The following POLB variants were observed in gnomAD, a reference collection of about 807,000 sequenced individuals.
POLB encodes the protein 5'-dRP lyase.
Under a neutral mutation model 52.7 loss-of-function variants are expected in POLB, and 37 were observed. The observed-to-expected ratio is 0.70, with a 90% CI of 0.54 to 0.92. POLB has a LOEUF of 0.92. Among genes scored for constraint, POLB ranks in the 40% least tolerant of loss-of-function variants. The pLI is 0.00. For synonymous variants in POLB, 138 were observed against 131.3 expected (o/e 1.05, Z -0.35); for missense variants, 313 against 400.8 (o/e 0.78, Z 1.87).
intron 1 of POLB, 30 bp downstream of exon 1, chr8:42,338,715 T>G (rs1822000999): frequency 1.9e-6 from 3 of 1,602,854 alleles, no homozygotes; most frequent in Middle Eastern, 1.7e-4. Context: ...CCGCTGGCTT[T>G]CTTCTTTCCT....
At chr8:42,353,367 C>T (rs1823101742) in intron 6 of POLB, among the ~76,000 whole-genome samples, 1 of 151,748 alleles carries the variant, frequency 6.6e-6, no homozygotes, top group African/African-American at 2.4e-5. Flanking sequence ...CTCGGCCTCC[C>T]AAAGTGCTGG....
chr8:42,343,254 G>A (rs370299239), intron 2 of POLB, among the ~76,000 whole-genome samples: 1 of 140,918 alleles, frequency 7.1e-6, no homozygotes, highest in Non-Finnish European at 1.5e-5. Context: ...CCCGGGAGGC[G>A]GAGCTTGCAG....
chr8:42,359,147 C>T (rs539014206), intron 9 of POLB, among the ~76,000 whole-genome samples: 2 of 152,324 alleles, frequency 1.3e-5, no homozygotes, highest in Admixed American at 6.5e-5. Flanking sequence ...CCTACTCCTT[C>T]TAAGTCCCAT....
At chr8:42,349,269 A>T in intron 4 of POLB, 179 bp downstream of exon 4, 1 of 504,352 alleles carries the variant, frequency 2.0e-6, no homozygotes, top group Non-Finnish European at 3.5e-6. Flanking sequence ...CACTTGTTTT[A>T]TGTGGCATTT....
intron 3 of POLB, 117 bp downstream of exon 3, chr8:42,345,136 ACTC>A (rs1822530161): frequency 7.7e-6 from 5 of 648,372 alleles, no homozygotes; most frequent in Non-Finnish European, 2.8e-6. Context: ...TGATTTCACT[ACTC>A]CTGATTTCTT....
chr8:42,357,606 G>T, intron 9 of POLB: 1 of 432,892 alleles, frequency 2.3e-6, no homozygotes, highest in Non-Finnish European at 4.1e-6. Context: ...TTAATGACTA[G>T]TTTTAACGAC....
chr8:42,371,509 T>A (rs1824394958), intron 13 of POLB, 54 bp from the exon 14 acceptor site: 2 of 1,026,822 alleles, frequency 1.9e-6, no homozygotes, highest in South Asian at 1.4e-5. Context: ...GAACCCTCTA[T>A]AACTAAACTA....
chr8:42,353,633 T>C (rs1823122711), intron 6 of POLB, among the ~76,000 whole-genome samples: 1 of 151,710 alleles, frequency 6.6e-6, no homozygotes, highest in Non-Finnish European at 1.5e-5. Context: ...CATGGGTGTA[T>C]GTATACATAT....
At chr8:42,358,097 C>T (rs1190261853) in intron 9 of POLB, among the ~76,000 whole-genome samples, 1 of 152,082 alleles carries the variant, frequency 6.6e-6, no homozygotes, top group Non-Finnish European at 1.5e-5. Flanking sequence ...CTTACAACAA[C>T]CGGGTTCATC....
chr8:42,369,115 G>T, intron 11 of POLB, 156 bp from the exon 12 acceptor site: 1 of 534,640 alleles, frequency 1.9e-6, no homozygotes, highest in Non-Finnish European at 3.3e-6. Context: ...AGAAAGGTAG[G>T]GATAGTGTAT....
At chr8:42,361,049 C>T (rs1282179892) in intron 9 of POLB, 10 of 634,700 alleles carry the variant, frequency 1.6e-5, no homozygotes, top group Middle Eastern at 2.5e-4. Flanking sequence ...TAAATTAACT[C>T]GTTGTATGCA....
At chr8:42,369,093 G>T in intron 11 of POLB, 178 bp from the exon 12 acceptor site, 3 of 431,656 alleles carry the variant, frequency 6.9e-6, no homozygotes, top group Non-Finnish European at 1.2e-5. Flanking sequence ...TCTAATTATC[G>T]TGAAGTGTAA....
chr8:42,350,170 T>C lies in POLB; in HGVS notation c.320+105T>C, dbSNP rs144232470. 1,208 of 788,540 alleles carry C rather than the reference T, an allele frequency of 1.5e-3. 2 individuals are homozygous for C. The highest frequency in any genetic ancestry group is 2.2e-3 in the Non-Finnish European group (958 of 439,182). 48.8% of individuals were successfully genotyped at this position (788,540 alleles called of 1,614,324 possible). ...CTCAAAACCTGTACTTCACCACCTC[T>C]GTACCTTAGCCATACAGTTCACCCT... On this transcript the variant is annotated intron_variant, in intron 5 of 13. Coordinates refer to ENST00000265421, the MANE Select transcript of POLB (RefSeq NM_002690.3).
rs1462563720 is a variant in POLB, at chr8:42,350,074, T to C, written c.320+9T>C. On this transcript the variant is annotated intron_variant, in intron 5 of 13. Transcript: ENST00000265421. The stretch of plus-strand genomic sequence containing the variant: ...CGAGTTAGTGGCATTGGGTAAGAAC[T>C]ATTTTTTAAGCAGACACAATCGTCA... The C allele has an allele frequency of 6.4e-7, 1 of 1,556,422 alleles. No individual in the cohort carries two copies. The highest frequency in any genetic ancestry group is 2.2e-5 in the East Asian group (1 of 44,576).
intron 2 of POLB, 33 bp from the exon 3 acceptor site, chr8:42,344,920 C>A: frequency 1.5e-6 from 2 of 1,358,466 alleles, no homozygotes; most frequent in Non-Finnish European, 2.1e-6. Flanking sequence ...TGATGGATTT[C>A]TAATTGGTTT....
rs143290216 is a variant in POLB, at chr8:42,339,995, T to C, written c.119+926T>C. 3.3e-5 allele frequency: 5 copies of C among 152,342 alleles called. 1 individual carries two copies. Among genetic ancestry groups the C allele is most frequent in the African/African-American group, 1.2e-4 (5 of 41,556 alleles). The allele number at this position is 152,342 out of a possible 1,614,324, so 9.4% of individuals were successfully genotyped here. ...TTATGGTGAATCTTCTTGAAAAATCTTCATTCCTTGCCTGGACTTCTTAAT... is the reference window on the plus strand; with the variant it reads ...TTATGGTGAATCTTCTTGAAAAATCCTCATTCCTTGCCTGGACTTCTTAAT... On this transcript the variant is annotated intron_variant, in intron 2 of 13. Coordinates refer to ENST00000265421, the MANE Select transcript of POLB (RefSeq NM_002690.3).
intron 2 of POLB, chr8:42,341,800 GA>G: frequency 3.9e-6 from 2 of 506,380 alleles, no homozygotes; most frequent in Non-Finnish European, 3.7e-6. Context: ...GAGCCGTGGG[GA>G]AGCTTGCCTT....
chr8:42,354,555 TTTTTG>T, intron 6 of POLB: 1 of 958,514 alleles, frequency 1.0e-6, no homozygotes, highest in Non-Finnish European at 1.5e-6. Flanking sequence ...ATGGAATTTT[TTTTTG>T]TTTTGAGACA....
chr8:42,354,621 G>T, intron 6 of POLB: 1 of 431,404 alleles, frequency 2.3e-6, no homozygotes, highest in Non-Finnish European at 4.5e-6. Context: ...TTGGTTCACT[G>T]CAACCTCCGC....
Sources: gnomAD v4.1 joint callset for allele counts (sites outside exome capture counted in the v4.1 genomes callset) on GRCh38, gnomAD v4.1.1 for gene constraint, MANE v1.5 for transcripts, NCBI Gene and HGNC (gene_info 2026-07-23, HGNC 2026-07-21) for gene names.